Variants in SOX6 observed in about 807,000 individuals in gnomAD.
SOX6 encodes transcription factor SOX-6.
In SOX6, 11 loss-of-function variants were observed where a neutral mutation model predicts 97.8. The ratio of observed to expected loss-of-function variants is 0.11; its 90% CI spans 0.07 to 0.19. SOX6 has a LOEUF of 0.19. Among genes scored for constraint, SOX6 ranks in the 10% least tolerant of loss-of-function variants. The pLI is 1.00. For synonymous variants in SOX6, 360 were observed against 371.4 expected, an observed-to-expected ratio of 0.97 and a Z score of 0.35; for missense variants, 810 against 1,039.5, an observed-to-expected ratio of 0.78 and a Z score of 3.04.
At chr11:16,519,005 T>C (rs1861016083) in intron 4 of SOX6, among the ~76,000 whole-genome samples, 1 of 152,172 alleles carries the variant, frequency 6.6e-6, no homozygotes, top group South Asian at 2.1e-4. Flanking sequence ...AGACCTCTCC[T>C]TTCTACTTAT....
chr11:16,449,311 G>T (rs1859673250), intron 1 of SOX6, among the ~76,000 whole-genome samples: 3 of 40,464 alleles, frequency 7.4e-5, no homozygotes, highest in African/African-American at 3.7e-4. Context: ...TTTTTTTTTT[G>T]AGACGGAGTC....
At chr11:16,422,779 T>C (rs1859043967) in intron 1 of SOX6, among the ~76,000 whole-genome samples, 1 of 152,150 alleles carries the variant, frequency 6.6e-6, no homozygotes, top group Non-Finnish European at 1.5e-5. Flanking sequence ...CACAAAGCCA[T>C]GCTAATAGAG....
chr11:16,455,156 T>G (rs1859788977), intron 1 of SOX6, among the ~76,000 whole-genome samples: 1 of 152,048 alleles, frequency 6.6e-6, no homozygotes, highest in Non-Finnish European at 1.5e-5. Context: ...TTATTAAAAA[T>G]TTAAATCAGC....
chr11:16,339,339 C>T lies in SOX6; in HGVS notation c.237+1673G>A, dbSNP rs149770689. 4.5e-3 allele frequency among the ~76,000 whole-genome samples: 681 copies of T among 152,128 alleles called. 3 individuals carry two copies. Among genetic ancestry groups the T allele is most frequent in the Non-Finnish European group, 8.2e-3 (559 of 67,946 alleles). Reference sequence around the variant, plus strand: ...ACCAATCTCTCCAACTATATCTTATCCTATATTGCATCCTTCATCATAACT... The same window carrying T: ...ACCAATCTCTCCAACTATATCTTATTCTATATTGCATCCTTCATCATAACT... On this transcript the variant is annotated intron_variant, in intron 2 of 15. Transcript: ENST00000683767.
At chr11:16,267,974 T>C (rs1478682380) in intron 3 of SOX6, among the ~76,000 whole-genome samples, 3 of 151,488 alleles carry the variant, frequency 2.0e-5, no homozygotes, top group Non-Finnish European at 4.4e-5. Context: ...TTTTCACTTA[T>C]ATGTGGAATT....
chr11:16,075,708 G>T (rs1848337610), intron 9 of SOX6, among the ~76,000 whole-genome samples: 1 of 152,096 alleles, frequency 6.6e-6, no homozygotes, highest in Non-Finnish European at 1.5e-5. Flanking sequence ...TAATGTAAAT[G>T]ATGAGTTGAT....
At chr11:16,233,113 C>T (rs1188396042) in intron 4 of SOX6, among the ~76,000 whole-genome samples, 1 of 152,096 alleles carries the variant, frequency 6.6e-6, no homozygotes, top group Admixed American at 6.6e-5. Context: ...ATAACATTTA[C>T]ATTAGATAAT....
chr11:16,497,341 G>GGT (rs1860618370), intron 4 of SOX6, among the ~76,000 whole-genome samples: 1 of 151,906 alleles, frequency 6.6e-6, no homozygotes, highest in Non-Finnish European at 1.5e-5. Flanking sequence ...AAAGACAAAA[G>GGT]GTATACTAAA....
At chr11:16,350,151 T>C (rs1428229280) in intron 1 of SOX6, among the ~76,000 whole-genome samples, 1 of 152,220 alleles carries the variant, frequency 6.6e-6, no homozygotes, top group African/African-American at 2.4e-5. Context: ...ATTAGAATAA[T>C]GCTTTCATCT....
At chr11:16,167,966 G>T (rs1850929188) in intron 6 of SOX6, among the ~76,000 whole-genome samples, 1 of 152,070 alleles carries the variant, frequency 6.6e-6, no homozygotes, top group Non-Finnish European at 1.5e-5. Context: ...AAAGACCAAA[G>T]GAGTATCAGA....
At chr11:16,342,146 C>T (rs113551485) in intron 1 of SOX6, among the ~76,000 whole-genome samples, 8 of 151,866 alleles carry the variant, frequency 5.3e-5, no homozygotes, top group African/African-American at 7.2e-5. Flanking sequence ...TACATGACAA[C>T]GTCTCCATTC....
At chr11:16,549,421 G>A (rs763079044) in intron 4 of SOX6, among the ~76,000 whole-genome samples, 8 of 152,158 alleles carry the variant, frequency 5.3e-5, no homozygotes, top group South Asian at 2.1e-4. Flanking sequence ...TGCCCACCTC[G>A]GCCTCCCAAT....
At chr11:16,102,024 A>G (rs1848960372) in intron 7 of SOX6, among the ~76,000 whole-genome samples, 1 of 151,864 alleles carries the variant, frequency 6.6e-6, no homozygotes, top group Non-Finnish European at 1.5e-5. Flanking sequence ...TGGAAGTCCT[A>G]GCAAGAGCAA....
At chr11:16,343,939 T>G (rs1334292917) in intron 1 of SOX6, among the ~76,000 whole-genome samples, 2 of 151,930 alleles carry the variant, frequency 1.3e-5, no homozygotes, top group Non-Finnish European at 2.9e-5. Context: ...ATCTGAGTGT[T>G]CATTCTCAGT....
At chr11:16,406,230 A>C (rs1160830310) in intron 1 of SOX6, among the ~76,000 whole-genome samples, 1 of 152,110 alleles carries the variant, frequency 6.6e-6, no homozygotes, top group Admixed American at 6.6e-5. Flanking sequence ...ACAAGAAATC[A>C]CTGAGGATCA....
chr11:16,104,134 C>T (rs1337560818), intron 7 of SOX6, among the ~76,000 whole-genome samples: 1 of 151,896 alleles, frequency 6.6e-6, no homozygotes, highest in African/African-American at 2.4e-5. Context: ...CACAGCTGAA[C>T]ATATTTTCTT....
intron 4 of SOX6, among the ~76,000 whole-genome samples, chr11:16,573,752 G>A (rs1469318352): frequency 6.6e-6 from 1 of 152,034 alleles, no homozygotes; most frequent in Non-Finnish European, 1.5e-5. Context: ...CACTATGAGG[G>A]CACAAAGATA....
At chr11:16,265,194 A>G (rs903238473) in intron 3 of SOX6, among the ~76,000 whole-genome samples, 3 of 151,930 alleles carry the variant, frequency 2.0e-5, no homozygotes, top group African/African-American at 7.2e-5. Context: ...CGACGGCCAG[A>G]TGCATGTGAG....
rs1056839654 is a variant in SOX6 at position 16,267,287 on chromosome 11, C to T, written c.446-32616G>A. On this transcript the variant is annotated intron_variant, in intron 3 of 15. Coordinates refer to ENST00000683767, the MANE Select transcript of SOX6 (RefSeq NM_001367873.1). The stretch of plus-strand genomic sequence containing the variant: ...AAATTGGGAAAAAATATTTACAAGC[C>T]ATACATCTGATAAGGGATTAACGTC... Among the ~76,000 whole-genome samples, 3 of 151,202 alleles carry T rather than the reference C, an allele frequency of 2.0e-5. No individual in the cohort carries two copies. The South Asian group carries it at 6.2e-4, about 31-fold the overall frequency.
Sources: allele counts gnomAD v4.1 joint callset (sites outside exome capture counted in the v4.1 genomes callset), GRCh38; gene constraint gnomAD v4.1.1; transcripts MANE v1.5; gene names NCBI Gene and HGNC (gene_info 2026-07-23, HGNC 2026-07-21).